Variants in AP4M1 observed in about 807,000 individuals in gnomAD.
AP4M1 encodes the protein AP-4 complex subunit mu-1.
In AP4M1, 58 loss-of-function variants were observed where a neutral mutation model predicts 62.4. The ratio of observed to expected loss-of-function variants is 0.93; its 90% CI spans 0.75 to 1.16. The LOEUF is 1.16. Ranked by LOEUF, AP4M1 falls within the 50% of genes most tolerant of loss-of-function variation. The pLI, the probability that AP4M1 is intolerant of heterozygous loss-of-function variation, is 0.00. For synonymous variants in AP4M1, 290 were observed against 239.7 expected, an observed-to-expected ratio of 1.21 and a Z score of -1.94; for missense variants, 626 against 585.4, an observed-to-expected ratio of 1.07 and a Z score of -0.72.
intron 11 of AP4M1, 132 bp from the exon 12 acceptor site, chr7:100,105,827 T>A: frequency 1.8e-6 from 2 of 1,125,594 alleles, no homozygotes; most frequent in South Asian, 2.5e-5. Flanking sequence ...GGAGTTGGGC[T>A]GGGCTTCAGC....
intron 6 of AP4M1, 121 bp downstream of exon 6, chr7:100,103,813 G>A: frequency 2.7e-6 from 3 of 1,097,374 alleles, no homozygotes; most frequent in Non-Finnish European, 4.1e-6. Flanking sequence ...AGGCCGAGGT[G>A]GGCAGATCAC....
Position 100,108,236 on chromosome 7 carries a change from G to A in AP4M1, c.*1354G>A. ...CTCAGTGGCTCTCACTAGGGCTGGG[G>A]CATCCTCACTCAGGGCCTGGTTGCC... On this transcript the variant is annotated 3_prime_UTR_variant, in exon 15 of 15. Coordinates refer to ENST00000359593, the MANE Select transcript of AP4M1 (RefSeq NM_004722.4). 1 of 1,456,198 alleles carries A rather than the reference G, an allele frequency of 6.9e-7. No homozygotes were observed. Among genetic ancestry groups the A allele is most frequent in the Non-Finnish European group, 9.1e-7 (1 of 1,096,086 alleles). The allele number at this position is 1,456,198 out of a possible 1,614,324, so 90.2% of individuals were successfully genotyped here.
At chr7:100,103,024 C>G in intron 4 of AP4M1, 64 bp downstream of exon 4, 2 of 1,140,170 alleles carry the variant, frequency 1.8e-6, no homozygotes, top group Middle Eastern at 4.8e-4. Flanking sequence ...ATCTGCTCTT[C>G]TACTGTGGGA....
chr7:100,102,594 G>A, intron 2 of AP4M1, 81 bp from the exon 3 acceptor site: 1 of 1,245,290 alleles, frequency 8.0e-7, no homozygotes, highest in East Asian at 2.3e-5. Flanking sequence ...GAGGCATCGG[G>A]ATCCGAGCTC....
chr7:100,106,563 C>CT, intron 14 of AP4M1, 49 bp downstream of exon 14: 2 of 1,541,004 alleles, frequency 1.3e-6, no homozygotes, highest in African/African-American at 2.7e-5. Flanking sequence ...TCACTTGCAG[C>CT]CCCCACCCCA....
intron 2 of AP4M1, 98 bp downstream of exon 2, chr7:100,102,066 G>A (rs1382003659): frequency 2.1e-5 from 28 of 1,354,876 alleles, no homozygotes; most frequent in Non-Finnish European, 2.6e-5. Flanking sequence ...ATTCCACTTG[G>A]GGGGTGCATT....
In AP4M1 at chr7:100,107,928, G is replaced by C. The variant is rs1796718241; in HGVS notation, c.*1046G>C. 1 of 1,607,652 alleles carries C rather than the reference G, an allele frequency of 6.2e-7. No homozygotes were observed. Reference sequence around the variant, plus strand: ...CCCTGTCCCACAGCTCTGCATACCTGCTGGGTGGATGGGGCGCTGGAGGAC... The same window carrying C: ...CCCTGTCCCACAGCTCTGCATACCTCCTGGGTGGATGGGGCGCTGGAGGAC... On this transcript the variant is annotated 3_prime_UTR_variant, in exon 15 of 15. Coordinates refer to ENST00000359593, the MANE Select transcript of AP4M1 (RefSeq NM_004722.4).
In AP4M1 at chr7:100,106,695, G is replaced by A; in HGVS notation, c.1175G>A (p.Gly392Glu). 6.2e-7 allele frequency: 1 copy of A among 1,613,588 alleles called. No individual in the cohort carries two copies. Among genetic ancestry groups the A allele is most frequent in the Non-Finnish European group, 8.5e-7 (1 of 1,180,018 alleles). Residue 392 changes from glycine (G) to glutamate (E), a missense_variant, in exon 15 of 15, where the codon GGG becomes GAG. Gly to Glu is a moderately conservative substitution (Grantham distance 98). Transcript: ENST00000359593. ...VPGPPGPPSH[G>E]LSTSASPLGL... ...GGGCCCCCAGGACCTCCCAGCCATG[G>A]GCTCTCCACCTCGGCCTCTCCTCTG...
In AP4M1 at chr7:100,107,132, T is replaced by C; in HGVS notation, c.*250T>C. 2 of 1,424,492 alleles carry C rather than the reference T, an allele frequency of 1.4e-6. No homozygotes were observed. Among genetic ancestry groups the C allele is most frequent in the Non-Finnish European group, 1.9e-6 (2 of 1,070,654 alleles). The allele number at this position is 1,424,492 out of a possible 1,614,324, so 88.2% of individuals were successfully genotyped here. A position where few individuals can be genotyped will look rare whatever the true frequency, so the allele number is the denominator to read the frequency against. Reference sequence around the variant, plus strand: ...GGCTGTACAATATCTAAAAAGAAAGTGACATGAAGGAAGCAATCTACAACT... The same window carrying C: ...GGCTGTACAATATCTAAAAAGAAAGCGACATGAAGGAAGCAATCTACAACT... On this transcript the variant is annotated 3_prime_UTR_variant, in exon 15 of 15. Transcript: ENST00000359593.
chr7:100,103,068 T>C, intron 4 of AP4M1, 108 bp downstream of exon 4: 1 of 949,736 alleles, frequency 1.1e-6, no homozygotes, highest in Non-Finnish European at 1.6e-6. Context: ...TACCTTTTTT[T>C]TTTTTTTTTT....
chr7:100,101,549 C>T (rs887026453), upstream of AP4M1: 108 of 822,448 alleles, frequency 1.3e-4, 1 homozygote, highest in Admixed American at 8.3e-5. Flanking sequence ...GGAAGGGAAT[C>T]TCCGGGCGGG....
intron 12 of AP4M1, 51 bp downstream of exon 12, chr7:100,106,054 G>A: frequency 2.5e-6 from 4 of 1,604,488 alleles, no homozygotes; most frequent in Non-Finnish European, 3.4e-6. Flanking sequence ...ACGGAAGACA[G>A]GGCCAGGGCA....
At position 100,105,324 on chromosome 7, in the gene AP4M1, G is replaced by A. The variant is rs41280968; in HGVS notation, c.812G>A (p.Arg271His). ...LDEFESHRIL[R>H]LQPPQGELTV... ...GAATTTGAGTCTCATCGAATCCTCC[G>A]CTTGCAACCACCTCAGGGCGAGGTC... Residue 271 changes from arginine (R) to histidine (H), a missense_variant, in exon 10 of 15, where the codon CGC becomes CAC. Physicochemically the swap from Arg to His is conservative, Grantham distance 29 (BLOSUM62 0). Transcript: ENST00000359593. The A allele has an allele frequency of 0.089, 143,990 of 1,613,892 alleles. 7,301 individuals are homozygous for A. Among genetic ancestry groups the A allele is most frequent in the Non-Finnish European group, 0.1 (122,310 of 1,179,922 alleles).
chr7:100,107,537 G>A lies in AP4M1; in HGVS notation c.*655G>A, dbSNP rs542801954. On this transcript the variant is annotated 3_prime_UTR_variant, in exon 15 of 15. Coordinates refer to ENST00000359593, the MANE Select transcript of AP4M1 (RefSeq NM_004722.4). Reference sequence around the variant, plus strand: ...TGGTGGCGGTGGAGACCAACTTGACGATGGGCTGCACGCTGGGGACGGTGG... The same window carrying A: ...TGGTGGCGGTGGAGACCAACTTGACAATGGGCTGCACGCTGGGGACGGTGG... 2.0e-5 allele frequency: 33 copies of A among 1,614,114 alleles called. No homozygotes were observed. Among genetic ancestry groups the A allele is most frequent in the South Asian group, 5.5e-5 (5 of 91,076 alleles).
chr7:100,108,040 T>A lies in AP4M1; in HGVS notation c.*1158T>A, dbSNP rs764836992. 2.3e-5 allele frequency: 37 copies of A among 1,613,420 alleles called. No homozygotes were observed. The highest frequency in any genetic ancestry group is 3.0e-5 in the Non-Finnish European group (35 of 1,179,864). ...CAGACACCAGTGTCTGGACAGGAAG[T>A]GCGATGGAGCCAGGAACCTTCAGCA... On this transcript the variant is annotated 3_prime_UTR_variant, in exon 15 of 15. Transcript: ENST00000359593.
At chr7:100,102,059 C>A in intron 2 of AP4M1, 91 bp downstream of exon 2, 1 of 1,409,196 alleles carries the variant, frequency 7.1e-7, no homozygotes, top group Non-Finnish European at 9.9e-7. Flanking sequence ...TTGGTAGATT[C>A]CACTTGGGGG....
At position 100,105,223 on chromosome 7, in the gene AP4M1, T is replaced by C. The variant is rs759324120; in HGVS notation, c.728-17T>C. The C allele has an allele frequency of 1.1e-5, 17 of 1,613,308 alleles. No homozygotes were observed. In the East Asian group the frequency reaches 3.3e-4, roughly 32 times the overall value. Reference sequence around the variant, plus strand: ...AAACAGGAGTCAGGAGAGAAGTCTCTCTCTCTCTCTTTCCAGGTTATGGGC... The same window carrying C: ...AAACAGGAGTCAGGAGAGAAGTCTCCCTCTCTCTCTTTCCAGGTTATGGGC... On this transcript the variant is annotated splice_polypyrimidine_tract_variant and intron_variant, in intron 9 of 14. Transcript: ENST00000359593.
upstream of AP4M1, chr7:100,101,570 C>T: frequency 1.1e-6 from 1 of 909,186 alleles, no homozygotes; most frequent in South Asian, 1.4e-5. Context: ...GTAGTGCAGG[C>T]GCCGGGTTTC....
chr7:100,103,033 G>A, intron 4 of AP4M1, 73 bp downstream of exon 4: 6 of 1,266,678 alleles, frequency 4.7e-6, no homozygotes, highest in Non-Finnish European at 6.9e-6. Context: ...TCTACTGTGG[G>A]ATGCCGTGGT....
Sources: gnomAD v4.1 joint callset for allele counts on GRCh38, gnomAD v4.1.1 for gene constraint, MANE v1.5 for transcripts, NCBI Gene and HGNC (gene_info 2026-07-23, HGNC 2026-07-21) for gene names.